Variants in RBFOX1 observed in about 807,000 individuals in gnomAD.
RBFOX1 encodes the protein RNA binding fox-1 homolog 1.
Under a neutral mutation model 57.7 loss-of-function variants are expected in RBFOX1, and 8 were observed. That is an observed-to-expected ratio of 0.14 (90% CI 0.08 to 0.25). RBFOX1 has a LOEUF of 0.25. Among genes scored for constraint, RBFOX1 ranks in the 10% least tolerant of loss-of-function variants. RBFOX1 has a pLI of 1.00. For synonymous variants in RBFOX1, 326 were observed against 222.4 expected (o/e 1.47, Z -4.15); for missense variants, 611 against 548.5 (o/e 1.11, Z -1.14).
chr16:7,330,105 T>G (rs916516084), intron 4 of RBFOX1, among the ~76,000 whole-genome samples: 9 of 152,152 alleles, frequency 5.9e-5, no homozygotes, highest in African/African-American at 2.2e-4. Flanking sequence ...TGTCATGGCC[T>G]GAAATGCCAT....
chr16:6,293,812 G>T (rs1019937870), intron 1 of RBFOX1, among the ~76,000 whole-genome samples: 7 of 108,182 alleles, frequency 6.5e-5, no homozygotes, highest in Non-Finnish European at 1.3e-4. Context: ...CAAGGAAGTG[G>T]GATGAATAAA....
chr16:5,707,461 G>A (rs992259748), intron 3 of RBFOX1, among the ~76,000 whole-genome samples: 2 of 152,200 alleles, frequency 1.3e-5, no homozygotes, highest in Non-Finnish European at 2.9e-5. Flanking sequence ...CCCAGATTGA[G>A]TTTAGTAACC....
At chr16:6,710,147 C>A (rs944384927) in intron 3 of RBFOX1, among the ~76,000 whole-genome samples, 1 of 152,080 alleles carries the variant, frequency 6.6e-6, no homozygotes, top group African/African-American at 2.4e-5. Flanking sequence ...GAGTCCAAAT[C>A]CAAGCCGTGT....
At chr16:5,636,154 C>G (rs545093238) in intron 3 of RBFOX1, among the ~76,000 whole-genome samples, 55 of 152,246 alleles carry the variant, frequency 3.6e-4, no homozygotes, top group Non-Finnish European at 6.6e-4. Context: ...TCGAGACCAG[C>G]CTGACCAACA....
At chr16:7,027,109 C>G (rs994076112) in intron 3 of RBFOX1, among the ~76,000 whole-genome samples, 1 of 152,266 alleles carries the variant, frequency 6.6e-6, no homozygotes, top group East Asian at 1.9e-4. Flanking sequence ...ACCCGTCTCT[C>G]CTAAACGCTT....
chr16:6,588,045 C>T (rs989467721), intron 2 of RBFOX1, among the ~76,000 whole-genome samples: 1 of 151,854 alleles, frequency 6.6e-6, no homozygotes, highest in Admixed American at 6.6e-5. Flanking sequence ...GCCTGGCCAA[C>T]ATGGTGAAAC....
At position 5,387,374 on chromosome 16, in the gene RBFOX1, C is replaced by G. The variant is rs58732731; in HGVS notation, c.220-79842C>G. 9.3e-4 allele frequency among the ~76,000 whole-genome samples: 142 copies of G among 152,300 alleles called. 2 individuals carry two copies. In the East Asian group the frequency reaches 0.024, roughly 26 times the overall value. On this transcript the variant is annotated intron_variant, in intron 1 of 2. Transcript: ENST00000585867. ...TATAAATAAGTCCAGGAGAGGCCCT[C>G]CAAGTTGGCATGGTGACTCTGTAAA...
intron 3 of RBFOX1, among the ~76,000 whole-genome samples, chr16:5,611,706 C>CAT (rs2047798423): frequency 1.2e-5 from 1 of 84,334 alleles, no homozygotes; most frequent in African/African-American, 3.2e-5. Flanking sequence ...ACCCACTCTC[C>CAT]CATCCATCCA....
At chr16:7,563,226 C>G (rs35900364) in intron 5 of RBFOX1, among the ~76,000 whole-genome samples, 56,222 of 151,998 alleles carry the variant, frequency 0.37, 11,116 homozygotes, top group East Asian at 0.64. Flanking sequence ...CCACTCTTCT[C>G]GATGCTGGTT....
At chr16:5,594,229 C>T (rs1183887249) in intron 2 of RBFOX1, among the ~76,000 whole-genome samples, 3 of 152,128 alleles carry the variant, frequency 2.0e-5, no homozygotes, top group Non-Finnish European at 2.9e-5. Flanking sequence ...TTTCCACCTC[C>T]TACATCTTTA....
At chr16:7,644,343 T>G (rs188476895) in intron 11 of RBFOX1, among the ~76,000 whole-genome samples, 1 of 152,368 alleles carries the variant, frequency 6.6e-6, no homozygotes, top group Admixed American at 6.5e-5. Flanking sequence ...GTTATCATCA[T>G]GCAATTGAAT....
chr16:6,200,705 G>A (rs1476721863), intron 1 of RBFOX1, among the ~76,000 whole-genome samples: 1 of 152,146 alleles, frequency 6.6e-6, no homozygotes, highest in Non-Finnish European at 1.5e-5. Context: ...AGTTTGCTTG[G>A]GGAAGGACAC....
In RBFOX1 at chr16:7,485,806, G is replaced by A. The variant is rs537714410; in HGVS notation, c.28-32341G>A. Among the ~76,000 whole-genome samples, 23 of 152,258 alleles carry A rather than the reference G, an allele frequency of 1.5e-4. No homozygotes were observed. In the South Asian group the frequency reaches 4.8e-3, roughly 32 times the overall value. The stretch of plus-strand genomic sequence containing the variant: ...TTGACTATCTTCTGTGGCTCTCCGA[G>A]TCCACTTGGCATTTGGTTATCAGCT... On this transcript the variant is annotated intron_variant, in intron 4 of 15. Transcript: ENST00000550418.
In RBFOX1 at chr16:5,578,847, T is replaced by TCC. The variant is rs1596330133; in HGVS notation, c.259-20055_259-20054insCC. Among the ~76,000 whole-genome samples, 274 of 69,478 alleles carry TCC rather than the reference T, an allele frequency of 3.9e-3. 5 individuals carry two copies. Among genetic ancestry groups the TCC allele is most frequent in the African/African-American group, 5.9e-3 (100 of 16,916 alleles). 45.6% of individuals were successfully genotyped at this position (69,478 alleles called of 152,430 possible). ...CCTCCACACACACACACACACCCTT[T>TCC]TTTTTTTTTTTTTTTTTTTTGAGAG... On this transcript the variant is annotated intron_variant, in intron 2 of 2. Coordinates refer to the RBFOX1 transcript ENST00000585867.
chr16:6,798,871 G>A (rs920203423), intron 3 of RBFOX1, among the ~76,000 whole-genome samples: 9 of 152,090 alleles, frequency 5.9e-5, no homozygotes, highest in Non-Finnish European at 1.2e-4. Context: ...AGTTTGAACT[G>A]ATGACTCTTC....
At chr16:5,505,240 C>T (rs2043340246) in intron 2 of RBFOX1, among the ~76,000 whole-genome samples, 1 of 152,202 alleles carries the variant, frequency 6.6e-6, no homozygotes, top group Non-Finnish European at 1.5e-5. Context: ...CCTGGAATTT[C>T]CACCTCTGTG....
At chr16:6,068,760 T>C (rs1307904584) in intron 1 of RBFOX1, among the ~76,000 whole-genome samples, 2 of 152,148 alleles carry the variant, frequency 1.3e-5, no homozygotes, top group African/African-American at 2.4e-5. Context: ...GACATATAGC[T>C]TAGAAGCTGT....
chr16:6,316,593 A>C (rs758332822), intron 1 of RBFOX1, among the ~76,000 whole-genome samples: 1 of 152,230 alleles, frequency 6.6e-6, no homozygotes, highest in Non-Finnish European at 1.5e-5. Flanking sequence ...GTCAACCTCC[A>C]GTCTTACCTT....
intron 1 of RBFOX1, among the ~76,000 whole-genome samples, chr16:6,205,862 A>AGTTTTTTTTTTTTTTTTTTTTTT (rs1567675773): frequency 3.9e-5 from 1 of 25,568 alleles, no homozygotes; most frequent in African/African-American, 1.0e-4. Flanking sequence ...ACGAGATCAT[A>AGTTTTTTTTTTTTTTTTTTTTTT]CTTTTTTTTT....
Sources: gnomAD v4.1 joint callset for allele counts (sites outside exome capture counted in the v4.1 genomes callset) on GRCh38, gnomAD v4.1.1 for gene constraint, MANE v1.5 for transcripts, NCBI Gene and HGNC (gene_info 2026-07-23, HGNC 2026-07-21) for gene names.